RORA: variants seen among roughly 807,000 people sequenced by gnomAD.
The protein encoded by RORA is RAR related orphan receptor A, also known as nuclear receptor ROR-alpha.
RORA carries 7 observed loss-of-function variants against 69.5 expected under a neutral mutation model. The observed-to-expected ratio is 0.10, with a 90% CI of 0.06 to 0.19. RORA has a LOEUF of 0.19. Among genes scored for constraint, RORA ranks in the 10% least tolerant of loss-of-function variants. The pLI, the probability that RORA is intolerant of heterozygous loss-of-function variation, is 1.00. For missense variants in RORA, 457 were observed against 663.0 expected, an observed-to-expected ratio of 0.69 and a Z score of 3.41; for synonymous variants, 261 against 240.8, an observed-to-expected ratio of 1.08 and a Z score of -0.78.
At chr15:61,164,536 T>C (rs949132312) in intron 1 of RORA, among the ~76,000 whole-genome samples, 2 of 152,192 alleles carry the variant, frequency 1.3e-5, no homozygotes, top group African/African-American at 4.8e-5. Flanking sequence ...AGGACAGCAG[T>C]TGTATGCTCT....
chr15:61,166,442 G>A (rs1043703086), intron 1 of RORA, among the ~76,000 whole-genome samples: 2 of 152,098 alleles, frequency 1.3e-5, no homozygotes, highest in African/African-American at 4.8e-5. Context: ...AACAGGAGCA[G>A]GCAGAAGAAC....
chr15:61,101,184 A>C lies in RORA; in HGVS notation c.166+127869T>G, dbSNP rs568198537. Among the ~76,000 whole-genome samples, 20 of 152,338 alleles carry C rather than the reference A, an allele frequency of 1.3e-4. No individual in the cohort carries two copies. The South Asian group carries it at 3.7e-3, about 28-fold the overall frequency. ...ACTGTTCTAGTCAACCAACATTTAA[A>C]ATATACGGAAGACATCCAGATGAAC... On this transcript the variant is annotated intron_variant, in intron 1 of 10. Transcript: ENST00000335670.
intron 1 of RORA, among the ~76,000 whole-genome samples, chr15:61,121,876 T>C (rs948750026): frequency 3.4e-5 from 5 of 146,330 alleles, no homozygotes; most frequent in African/African-American, 7.6e-5. Context: ...CAAGTAGAAG[T>C]TATAATAAGG....
At chr15:60,797,969 T>C (rs918371454) in intron 1 of RORA, among the ~76,000 whole-genome samples, 1 of 152,120 alleles carries the variant, frequency 6.6e-6, no homozygotes, top group African/African-American at 2.4e-5. Context: ...GTGTAGAAGA[T>C]TAATACGATC....
chr15:60,499,803 G>C, intron 10 of RORA, 89 bp downstream of exon 10: 1 of 698,920 alleles, frequency 1.4e-6, no homozygotes, highest in Non-Finnish European at 2.5e-6. Context: ...TTTGGGAATT[G>C]GTCATATGAC....
At chr15:60,966,370 T>C (rs558435169) in intron 1 of RORA, among the ~76,000 whole-genome samples, 13 of 152,328 alleles carry the variant, frequency 8.5e-5, no homozygotes, top group African/African-American at 3.1e-4. Flanking sequence ...CATGGCTTTC[T>C]GATTGGTTTC....
intron 1 of RORA, among the ~76,000 whole-genome samples, chr15:61,010,082 G>A (rs1296460734): frequency 6.6e-6 from 1 of 152,164 alleles, no homozygotes; most frequent in African/African-American, 2.4e-5. Context: ...TAGGCAGGGA[G>A]GAACAAGCTT....
chr15:60,509,806 AAATC>A (rs2065635464), intron 5 of RORA, among the ~76,000 whole-genome samples: 1 of 151,618 alleles, frequency 6.6e-6, no homozygotes, highest in Non-Finnish European at 1.5e-5. Flanking sequence ...AAAAAAAAAA[AAATC>A]AAACCTACCT....
At chr15:60,609,746 C>G (rs1381029913) in intron 2 of RORA, among the ~76,000 whole-genome samples, 1 of 152,182 alleles carries the variant, frequency 6.6e-6, no homozygotes, top group African/African-American at 2.4e-5. Context: ...GGGGTCTCCA[C>G]GGTTGCCTGA....
chr15:60,610,547 G>A (rs77840539), intron 2 of RORA, among the ~76,000 whole-genome samples: 2,023 of 152,206 alleles, frequency 0.013, 59 homozygotes, highest in African/African-American at 0.047. Flanking sequence ...TGAAAAATGC[G>A]GGACTGATCG....
In RORA at chr15:60,957,367, C is replaced by T. The variant is rs564941771; in HGVS notation, c.166+271686G>A. On this transcript the variant is annotated intron_variant, in intron 1 of 10. Transcript: ENST00000335670. ...TGCCAAGAAAGGCAGGTGAGGACTCCATTGTGCCTGTCATCCTTCAGCATG... is the reference window on the plus strand; with the variant it reads ...TGCCAAGAAAGGCAGGTGAGGACTCTATTGTGCCTGTCATCCTTCAGCATG... Among the ~76,000 whole-genome samples, 4 of 152,314 alleles carry T rather than the reference C, an allele frequency of 2.6e-5. No homozygotes were observed. The South Asian group carries it at 6.2e-4, about 24-fold the overall frequency.
intron 1 of RORA, among the ~76,000 whole-genome samples, chr15:60,704,924 T>G (rs964748683): frequency 1.3e-5 from 2 of 152,220 alleles, no homozygotes; most frequent in Non-Finnish European, 2.9e-5. Context: ...CATTATGTTT[T>G]GCTGTGAATG....
chr15:60,948,480 T>C (rs753731799), intron 1 of RORA, among the ~76,000 whole-genome samples: 14 of 152,228 alleles, frequency 9.2e-5, no homozygotes, highest in Non-Finnish European at 2.1e-4. Flanking sequence ...TAACTAAAAA[T>C]AGATGAAGTT....
intron 2 of RORA, among the ~76,000 whole-genome samples, chr15:60,565,242 T>G (rs977758037): frequency 6.6e-6 from 1 of 152,206 alleles, no homozygotes; most frequent in Non-Finnish European, 1.5e-5. Context: ...TCTTTTTACA[T>G]TTTTTGGTTT....
At position 60,516,154 on chromosome 15, in the gene RORA, T is replaced by A. The variant is rs1367654650; in HGVS notation, c.283-1397A>T. Among the ~76,000 whole-genome samples the A allele has an allele frequency of 2.7e-4, 8 of 29,948 alleles. 1 individual carries two copies. The highest frequency in any genetic ancestry group is 3.9e-4 in the Non-Finnish European group (7 of 17,772). 19.6% of individuals were successfully genotyped at this position (29,948 alleles called of 152,430 possible). On this transcript the variant is annotated intron_variant, in intron 3 of 10. Coordinates refer to ENST00000335670, the MANE Select transcript of RORA (RefSeq NM_134261.3). Reference sequence around the variant, plus strand: ...AAATATATTTATATATATTTATATATATATATTTATATATATATTTATATA... The same window carrying A: ...AAATATATTTATATATATTTATATAAATATATTTATATATATATTTATATA...
At chr15:61,191,788 C>A (rs1322045855) in intron 1 of RORA, among the ~76,000 whole-genome samples, 1 of 152,220 alleles carries the variant, frequency 6.6e-6, no homozygotes, top group African/African-American at 2.4e-5. Context: ...ATTTATGATT[C>A]TGTGTCCTCA....
At chr15:60,871,686 C>G (rs887751139) in intron 1 of RORA, among the ~76,000 whole-genome samples, 2 of 152,182 alleles carry the variant, frequency 1.3e-5, no homozygotes, top group African/African-American at 4.8e-5. Context: ...CTTGTCCAGT[C>G]TAGCCAGTTC....
chr15:60,902,859 C>G (rs1046526401), intron 1 of RORA, among the ~76,000 whole-genome samples: 1 of 152,206 alleles, frequency 6.6e-6, no homozygotes, highest in African/African-American at 2.4e-5. Context: ...TCCTCTTCTA[C>G]AGCTGCCCAC....
At chr15:61,064,116 T>C (rs947047693) in intron 1 of RORA, among the ~76,000 whole-genome samples, 2 of 152,128 alleles carry the variant, frequency 1.3e-5, no homozygotes, top group African/African-American at 4.8e-5. Context: ...TTATAAACCA[T>C]AATTAGAGGA....
Sources: gnomAD v4.1 joint callset for allele counts (sites outside exome capture counted in the v4.1 genomes callset) on GRCh38, gnomAD v4.1.1 for gene constraint, MANE v1.5 for transcripts, NCBI Gene and HGNC (gene_info 2026-07-23, HGNC 2026-07-21) for gene names.